AGMO: variants seen among roughly 807,000 people sequenced by gnomAD.
AGMO encodes alkylglycerol monooxygenase.
In AGMO, 75 loss-of-function variants were observed where a neutral mutation model predicts 60.2. That is an observed-to-expected ratio of 1.25 (90% CI 1.03 to 1.51). The LOEUF is 1.51. Ranked by LOEUF, AGMO falls within the 40% of genes most tolerant of loss-of-function variation. AGMO has a pLI of 0.00. For missense variants in AGMO, 763 were observed against 525.5 expected (o/e 1.45, Z -4.42); for synonymous variants, 261 against 177.1 (o/e 1.47, Z -3.76).
At chr7:15,260,116 A>C (rs1327138254) in intron 12 of AGMO, among the ~76,000 whole-genome samples, 1 of 151,558 alleles carries the variant, frequency 6.6e-6, no homozygotes, top group Admixed American at 6.6e-5. Flanking sequence ...AAATGGCCTA[A>C]ATGCTCCATT....
chr7:15,514,951 TGGGA>T (rs1783770792), intron 3 of AGMO, among the ~76,000 whole-genome samples: 1 of 152,136 alleles, frequency 6.6e-6, no homozygotes, highest in Non-Finnish European at 1.5e-5. Context: ...CTGTGGGAGA[TGGGA>T]GGCAGTGAGT....
chr7:15,229,726 A>AAT (rs1554398314), intron 12 of AGMO, among the ~76,000 whole-genome samples: 1 of 122,388 alleles, frequency 8.2e-6, no homozygotes, highest in South Asian at 2.4e-4. Context: ...TATTATATAT[A>AAT]AATTATATAT....
chr7:15,175,652 T>G, the AGMO span, among the ~76,000 whole-genome samples: 27,178 of 151,848 alleles, frequency 0.18, 2,699 homozygotes, highest in East Asian at 0.48. Flanking sequence ...GTTACATATT[T>G]CACATGGCAT....
At chr7:15,468,558 C>T (rs927422374) in intron 3 of AGMO, among the ~76,000 whole-genome samples, 11 of 151,930 alleles carry the variant, frequency 7.2e-5, no homozygotes, top group African/African-American at 2.2e-4. Flanking sequence ...CTTATACACA[C>T]AAATCATATA....
chr7:15,555,564 T>C (rs117209530), intron 2 of AGMO, among the ~76,000 whole-genome samples: 130 of 152,114 alleles, frequency 8.5e-4, no homozygotes, highest in African/African-American at 2.7e-3. Context: ...TTATTATTGT[T>C]AAATGGTATC....
chr7:15,298,268 T>C (rs952202857), intron 12 of AGMO, among the ~76,000 whole-genome samples: 1 of 152,214 alleles, frequency 6.6e-6, no homozygotes, highest in Admixed American at 6.5e-5. Context: ...ATTTTAGCTA[T>C]ATCGTCTACT....
At chr7:15,398,238 G>A (rs1307285723) in intron 5 of AGMO, among the ~76,000 whole-genome samples, 7 of 152,156 alleles carry the variant, frequency 4.6e-5, no homozygotes, top group Non-Finnish European at 8.8e-5. Flanking sequence ...AATGGTGAGT[G>A]CATGCAGATG....
At chr7:15,478,125 A>G (rs1782644749) in intron 3 of AGMO, among the ~76,000 whole-genome samples, 1 of 152,100 alleles carries the variant, frequency 6.6e-6, no homozygotes, top group Admixed American at 6.6e-5. Context: ...ATGGTTCAAT[A>G]CTCATGGATG....
chr7:15,488,963 G>A (rs905011674), intron 3 of AGMO, among the ~76,000 whole-genome samples: 1 of 152,100 alleles, frequency 6.6e-6, no homozygotes, highest in Non-Finnish European at 1.5e-5. Flanking sequence ...TCTTCAAACT[G>A]AATGACTTGG....
chr7:15,173,242 G>T, the AGMO span, among the ~76,000 whole-genome samples: 1 of 151,974 alleles, frequency 6.6e-6, no homozygotes, highest in East Asian at 1.9e-4. Context: ...TTATTCACTT[G>T]TATCACTGCA....
At chr7:15,199,515 G>A (rs529257935), downstream of AGMO, among the ~76,000 whole-genome samples, 1 of 152,194 alleles carries the variant, frequency 6.6e-6, no homozygotes, top group South Asian at 2.1e-4. Context: ...AAGCTCTTCT[G>A]ACATACTAAA....
intron 12 of AGMO, among the ~76,000 whole-genome samples, chr7:15,263,224 A>C (rs911860800): frequency 6.6e-5 from 10 of 152,044 alleles, no homozygotes; most frequent in Non-Finnish European, 1.5e-5. Context: ...ATGTCAAACA[A>C]ATCAGGAAGA....
At chr7:15,240,539 T>C (rs1782559031) in intron 12 of AGMO, among the ~76,000 whole-genome samples, 1 of 152,190 alleles carries the variant, frequency 6.6e-6, no homozygotes, top group African/African-American at 2.4e-5. Flanking sequence ...TGATCTTTAG[T>C]ATCTTTTTAT....
At chr7:15,375,812 T>C (rs1281020397) in intron 10 of AGMO, among the ~76,000 whole-genome samples, 1 of 152,118 alleles carries the variant, frequency 6.6e-6, no homozygotes, top group African/African-American at 2.4e-5. Flanking sequence ...TTAACAAATC[T>C]AAGTGAGGTT....
chr7:15,187,710 ACT>A, the AGMO span, among the ~76,000 whole-genome samples: 1 of 151,570 alleles, frequency 6.6e-6, no homozygotes, highest in South Asian at 2.1e-4. Flanking sequence ...GTTTTTCTTT[ACT>A]CTGTTACATC....
At chr7:15,438,961 C>T (rs1781475555) in intron 3 of AGMO, among the ~76,000 whole-genome samples, 1 of 152,186 alleles carries the variant, frequency 6.6e-6, no homozygotes, top group African/African-American at 2.4e-5. Flanking sequence ...TTCTTACAGA[C>T]TGTGTTCTAT....
intron 12 of AGMO, among the ~76,000 whole-genome samples, chr7:15,316,938 GA>G (rs1365197268): frequency 5.9e-5 from 9 of 152,244 alleles, no homozygotes; most frequent in African/African-American, 2.2e-4. Context: ...TGTCTTCACA[GA>G]AAGAGAATAT....
chr7:15,277,198 G>A (rs1173454383), intron 12 of AGMO, among the ~76,000 whole-genome samples: 2 of 151,888 alleles, frequency 1.3e-5, no homozygotes, highest in Non-Finnish European at 2.9e-5. Flanking sequence ...AACCCAGCTA[G>A]TCGGGAGGCT....
chr7:15,413,561 TG>T lies in AGMO; in HGVS notation c.609+4996del, dbSNP rs1464832744. ...TATTTTAAAAGGAAGAGAAAAATTT[TG>T]TAAACATCTAGCAATGAAAAGACAC... On this transcript the variant is annotated intron_variant, in intron 5 of 12. Transcript: ENST00000342526. Among the ~76,000 whole-genome samples, 3 of 152,286 alleles carry T rather than the reference TG, an allele frequency of 2.0e-5. No homozygotes were observed. The South Asian group carries it at 6.2e-4, about 32-fold the overall frequency.
Sources: gnomAD v4.1 joint callset for allele counts (sites outside exome capture counted in the v4.1 genomes callset) on GRCh38, gnomAD v4.1.1 for gene constraint, MANE v1.5 for transcripts, NCBI Gene and HGNC (gene_info 2026-07-23, HGNC 2026-07-21) for gene names.